The following UBXN11 variants were observed in gnomAD, a reference collection of about 807,000 sequenced individuals.
UBXN11 encodes UBX domain protein 11, also known as UBX domain-containing protein 11.
A neutral mutation model predicts 62.8 loss-of-function variants in UBXN11; 47 were observed. The ratio of observed to expected loss-of-function variants is 0.75; its 90% CI spans 0.59 to 0.95. The LOEUF is 0.95. Among genes scored for constraint, UBXN11 ranks in the 40% least tolerant of loss-of-function variants. UBXN11 has a pLI of 0.00. For synonymous variants in UBXN11, 294 were observed against 267.0 expected, an observed-to-expected ratio of 1.10 and a Z score of -0.99; for missense variants, 638 against 661.7, an observed-to-expected ratio of 0.96 and a Z score of 0.39.
chr1:26,309,245 A>ATT (rs34740186), upstream of UBXN11, among the ~76,000 whole-genome samples: 1 of 112,520 alleles, frequency 8.9e-6, no homozygotes, highest in Non-Finnish European at 1.7e-5. Context: ...GAGTCAATTG[A>ATT]TTTTTTTTTT....
intron 8 of UBXN11, among the ~76,000 whole-genome samples, chr1:26,289,569 A>G (rs1449701241): frequency 6.6e-6 from 1 of 152,150 alleles, no homozygotes; most frequent in African/African-American, 2.4e-5. Context: ...CCTGCTTTCC[A>G]GAAATGTCTG....
rs12354016 is a variant in UBXN11 at position 26,282,368 on chromosome 1, A to G, written c.1494T>C (p.Gly498=). The G allele has an allele frequency of 3.5e-6, 3 of 850,898 alleles. No homozygotes were observed. Among genetic ancestry groups the G allele is most frequent in the Non-Finnish European group, 3.1e-6 (2 of 650,500 alleles). The allele number at this position is 850,898 out of a possible 1,614,324, so 52.7% of individuals were successfully genotyped here. A position where few individuals can be genotyped will look rare whatever the true frequency, so the allele number is the denominator to read the frequency against. Residue 498 remains glycine, a synonymous_variant, in exon 15 of 15, where the codon GGT becomes GGC. Coordinates refer to ENST00000374222, the MANE Select transcript of UBXN11 (RefSeq NM_001389556.1). ...GACCGGGACCGGGACTGGGGCCGGG[A>G]CCGGGACCGGGACTGGGGCCGGGAC... ...GPGPGPSPGP[G]PGPSPGPGPG... is the part of the protein sequence containing the mutation.
upstream of UBXN11, among the ~76,000 whole-genome samples, chr1:26,307,653 G>A (rs1210911484): frequency 8.4e-6 from 1 of 119,090 alleles, no homozygotes; most frequent in East Asian, 2.3e-4. Context: ...TTAATTTTCC[G>A]TTTGACTTTC....
At chr1:26,315,796 A>AT (rs2073785127) in intron 1 of UBXN11, among the ~76,000 whole-genome samples, 1 of 152,034 alleles carries the variant, frequency 6.6e-6, no homozygotes, top group Admixed American at 6.6e-5. Context: ...AGTAGCTGGG[A>AT]TTACAGGCAT....
chr1:26,299,243 G>A (rs1308425497), intron 4 of UBXN11, among the ~76,000 whole-genome samples: 1 of 152,148 alleles, frequency 6.6e-6, no homozygotes, highest in African/African-American at 2.4e-5. Context: ...TGGGTGCAGT[G>A]GCTCGCACCT....
intron 7 of UBXN11, among the ~76,000 whole-genome samples, chr1:26,295,383 C>A (rs1256267360): frequency 1.3e-5 from 2 of 152,176 alleles, no homozygotes; most frequent in Admixed American, 6.5e-5. Context: ...CTCTCCTCAC[C>A]CACACCACCC....
intron 8 of UBXN11, among the ~76,000 whole-genome samples, chr1:26,289,356 G>C (rs2073204723): frequency 6.6e-6 from 1 of 152,008 alleles, no homozygotes; most frequent in African/African-American, 2.4e-5. Context: ...CCTCCTCCAA[G>C]AAGCCTTGCT....
chr1:26,301,879 A>G (rs2073546283), intron 2 of UBXN11, among the ~76,000 whole-genome samples, 157 bp from the exon 3 acceptor site: 1 of 152,176 alleles, frequency 6.6e-6, no homozygotes, highest in Admixed American at 6.5e-5. Flanking sequence ...TCCCAGCCCC[A>G]GCCTGGGGTG....
intron 2 of UBXN11, among the ~76,000 whole-genome samples, chr1:26,302,327 T>G (rs1055985608): frequency 1.6e-4 from 19 of 117,932 alleles, no homozygotes; most frequent in Admixed American, 1.1e-3. Context: ...GCCACTGCAA[T>G]CCACAGCCTG....
At chr1:26,296,428 G>A (rs913726819) in intron 7 of UBXN11, among the ~76,000 whole-genome samples, 6 of 152,338 alleles carry the variant, frequency 3.9e-5, no homozygotes, top group Admixed American at 2.6e-4. Flanking sequence ...GAGGCCCGGG[G>A]GATATGACTG....
chr1:26,284,325 C>T, intron 11 of UBXN11, 37 bp downstream of exon 11: 1 of 1,613,724 alleles, frequency 6.2e-7, no homozygotes, highest in Non-Finnish European at 8.5e-7. Context: ...TTCTGCAGTC[C>T]CCCAGCCCCC....
chr1:26,284,763 T>C (rs1039858877), intron 10 of UBXN11: 2 of 1,225,758 alleles, frequency 1.6e-6, no homozygotes, highest in Admixed American at 8.3e-5. Flanking sequence ...GAAGGCAGAG[T>C]GTGAGGGGGT....
intron 8 of UBXN11, among the ~76,000 whole-genome samples, chr1:26,293,977 G>C (rs956439719): frequency 2.0e-5 from 3 of 152,156 alleles, no homozygotes; most frequent in Non-Finnish European, 2.9e-5. Flanking sequence ...AGATGAGCAA[G>C]AGAGAGCAGA....
Position 26,284,335 on chromosome 1 carries a change from CT to C in UBXN11, c.973+26del, listed in dbSNP as rs770535197. On this transcript the variant is annotated intron_variant, in intron 11 of 14. Transcript: ENST00000374222. ...GTTTGTTCTGCAGTCCCCCAGCCCC[CT>C]GGCTCAGCCTGGAGGCCAAACTCAC... The C allele has an allele frequency of 2.0e-5, 33 of 1,613,856 alleles. No homozygotes were observed. In the African/African-American group the frequency reaches 3.9e-4, roughly 19 times the overall value.
intron 7 of UBXN11, among the ~76,000 whole-genome samples, chr1:26,295,814 T>C (rs1478537847): frequency 6.6e-6 from 1 of 152,132 alleles, no homozygotes; most frequent in Non-Finnish European, 1.5e-5. Context: ...CGGGGGACTA[T>C]GTCTGTCTTG....
At chr1:26,302,702 G>A (rs2073568327) in intron 2 of UBXN11, 111 bp downstream of exon 2, 1 of 1,173,934 alleles carries the variant, frequency 8.5e-7, no homozygotes, top group South Asian at 1.6e-5. Context: ...AAGGCTATGT[G>A]GCCCTTCTTT....
chr1:26,300,426 G>T (rs2073502811), intron 4 of UBXN11, among the ~76,000 whole-genome samples: 2 of 152,246 alleles, frequency 1.3e-5, no homozygotes, highest in African/African-American at 4.8e-5. Context: ...CACTCTGCAG[G>T]GCTCATCCCT....
At chr1:26,282,960 G>T in intron 12 of UBXN11, 23 bp from the exon 13 acceptor site, 1 of 1,614,060 alleles carries the variant, frequency 6.2e-7, no homozygotes, top group South Asian at 1.1e-5. Flanking sequence ...AGTGGAGGGT[G>T]GACAGAGCCC....
Position 26,311,728 on chromosome 1 carries a change from A to G in UBXN11, c.-148-5024T>C, listed in dbSNP as rs541497679. On this transcript the variant is annotated intron_variant, in intron 1 of 14. Coordinates refer to the UBXN11 transcript ENST00000374217. Reference sequence around the variant, plus strand: ...AGTGTTGGGATTACAGGCATGACCCACCGCACCCAGCCACAAGTCTATTCT... The same window carrying G: ...AGTGTTGGGATTACAGGCATGACCCGCCGCACCCAGCCACAAGTCTATTCT... Among the ~76,000 whole-genome samples, 665 of 152,298 alleles carry G rather than the reference A, an allele frequency of 4.4e-3. 2 individuals are homozygous for G. Among genetic ancestry groups the G allele is most frequent in the Non-Finnish European group, 7.7e-3 (521 of 68,024 alleles).
Sources: allele counts gnomAD v4.1 joint callset (sites outside exome capture counted in the v4.1 genomes callset), GRCh38; gene constraint gnomAD v4.1.1; transcripts MANE v1.5; gene names NCBI Gene and HGNC (gene_info 2026-07-23, HGNC 2026-07-21).